The following ATM variants were observed in gnomAD, a reference collection of about 807,000 sequenced individuals.
ATM encodes ATM serine/threonine kinase.
Under a neutral mutation model 387.0 loss-of-function variants are expected in ATM, and 308 were observed. The observed-to-expected ratio is 0.80, with a 90% CI of 0.73 to 0.87. The LOEUF is 0.87. Ranked by LOEUF, ATM falls within the 40% of genes least tolerant of loss-of-function variation. The pLI, the probability that ATM is intolerant of heterozygous loss-of-function variation, is 0.00. For synonymous variants in ATM, 1,156 were observed against 1,187.3 expected, an observed-to-expected ratio of 0.97 and a Z score of 0.54; for missense variants, 3,312 against 3,560.9, an observed-to-expected ratio of 0.93 and a Z score of 1.78.
chr11:108,248,208 A>C (rs2079950292), intron 8 of ATM, among the ~76,000 whole-genome samples: 1 of 152,128 alleles, frequency 6.6e-6, no homozygotes, highest in Admixed American at 6.5e-5. Flanking sequence ...CTGATGGCCT[A>C]ATGTTTCTTA....
At chr11:108,248,364 T>G (rs2079958071) in intron 8 of ATM, among the ~76,000 whole-genome samples, 1 of 152,188 alleles carries the variant, frequency 6.6e-6, no homozygotes, top group Admixed American at 6.5e-5. Context: ...TACTTTTAGA[T>G]TTCTTAGTGC....
At chr11:108,303,084 A>C in intron 36 of ATM, 55 bp downstream of exon 36, 1 of 1,518,918 alleles carries the variant, frequency 6.6e-7, no homozygotes, top group African/African-American at 1.4e-5. Context: ...GTTTATCTAA[A>C]GAGTGCTGTG....
At chr11:108,247,901 T>C (rs1487384665) in intron 8 of ATM, among the ~76,000 whole-genome samples, 1 of 152,032 alleles carries the variant, frequency 6.6e-6, no homozygotes, top group African/African-American at 2.4e-5. Context: ...GCCCAGAACT[T>C]TTTTATCATC....
chr11:108,240,151 A>G (rs2079484404), intron 5 of ATM, among the ~76,000 whole-genome samples: 3 of 152,196 alleles, frequency 2.0e-5, no homozygotes, highest in African/African-American at 7.2e-5. Context: ...TACATATGCT[A>G]TGGATTTTGA....
intron 38 of ATM, chr11:108,309,216 A>C: frequency 3.8e-6 from 2 of 532,738 alleles, no homozygotes; most frequent in Non-Finnish European, 6.7e-6. Flanking sequence ...ACAACAAAAA[A>C]ATTGCTTGCT....
intron 16 of ATM, among the ~76,000 whole-genome samples, chr11:108,266,515 T>C (rs1287743730): frequency 3.6e-4 from 50 of 138,036 alleles, no homozygotes; most frequent in East Asian, 4.7e-4. Flanking sequence ...GGGATAGCAT[T>C]GGGAGATATA....
intron 58 of ATM, among the ~76,000 whole-genome samples, chr11:108,347,065 C>T (rs2088509517): frequency 6.6e-6 from 1 of 152,070 alleles, no homozygotes; most frequent in Non-Finnish European, 1.5e-5. Context: ...TTTAGCAAAT[C>T]ATCTAGGATT....
chr11:108,350,612 G>A (rs1052119916), intron 59 of ATM, among the ~76,000 whole-genome samples: 1 of 152,184 alleles, frequency 6.6e-6, no homozygotes, highest in Non-Finnish European at 1.5e-5. Flanking sequence ...GGAAGATTGT[G>A]AGCTAGGTCC....
rs1009750697 is a variant in ATM at position 108,252,051 on chromosome 11, A to G, written c.1802+20A>G. 2 of 1,604,554 alleles carry G rather than the reference A, an allele frequency of 1.2e-6. No homozygotes were observed. The highest frequency in any genetic ancestry group is 1.7e-5 in the Admixed American group (1 of 59,942). ...TCACAGGTAATTTAAGTTCATTAGCATGCTGCTGTTTTTTTTGTTTGTTTT... is the reference window on the plus strand; with the variant it reads ...TCACAGGTAATTTAAGTTCATTAGCGTGCTGCTGTTTTTTTTGTTTGTTTT... On this transcript the variant is annotated intron_variant, in intron 11 of 62. Transcript: ENST00000675843.
rs1400036072 is a variant in ATM at position 108,335,974 on chromosome 11, A to C, written c.8268+13A>C. 6.3e-7 allele frequency: 1 copy of C among 1,584,880 alleles called. No individual in the cohort carries two copies. Among genetic ancestry groups the C allele is most frequent in the Non-Finnish European group, 8.7e-7 (1 of 1,153,770 alleles). On this transcript the variant is annotated intron_variant, in intron 56 of 62. Coordinates refer to ENST00000675843, the MANE Select transcript of ATM (RefSeq NM_000051.4). ...CTGTACTTATAAGGTAACTATTTGT[A>C]CTTCTGTTAGTTCACCAAAAACATA...
intron 5 of ATM, among the ~76,000 whole-genome samples, chr11:108,237,078 C>T (rs976990221): frequency 4.6e-5 from 7 of 152,096 alleles, no homozygotes; most frequent in Admixed American, 6.5e-5. Context: ...AAATGAGATA[C>T]ATGTGAACCA....
At chr11:108,308,154 G>A in intron 38 of ATM, 170 bp downstream of exon 38, 1 of 686,520 alleles carries the variant, frequency 1.5e-6, no homozygotes, top group Non-Finnish European at 2.5e-6. Context: ...TAGCAGTTTG[G>A]TTAAATCAGT....
At chr11:108,272,300 A>G (rs986854798) in intron 20 of ATM, among the ~76,000 whole-genome samples, 1 of 152,250 alleles carries the variant, frequency 6.6e-6, no homozygotes, top group Non-Finnish European at 1.5e-5. Flanking sequence ...GCCCCCAAAA[A>G]AGGACATAAT....
chr11:108,274,610 CTTCAT>C (rs1241911798), intron 22 of ATM, among the ~76,000 whole-genome samples: 1 of 152,136 alleles, frequency 6.6e-6, no homozygotes, highest in Non-Finnish European at 1.5e-5. Context: ...TTATTTCTGC[CTTCAT>C]TTCATTATTT....
chr11:108,287,641 GGA>G lies in ATM; in HGVS notation c.4037_4038del (p.Glu1346ValfsTer7). 1 of 1,613,588 alleles carries G rather than the reference GGA, an allele frequency of 6.2e-7. No homozygotes were observed. The highest frequency in any genetic ancestry group is 8.5e-7 in the Non-Finnish European group (1 of 1,179,814). On this transcript the variant is annotated frameshift_variant, in exon 27 of 63. Transcript: ENST00000675843. LOFTEE classifies it high-confidence loss of function. ...FISNLPEIVV[E>X]LLMTLHEPAN... ...TTAGTAATTTACCAGAGATTGTGGT[GGA>G]GTTATTGATGACGTTACATGAGCCA... is the stretch of plus-strand genomic sequence containing the variant.
rs1320299978 is a variant in ATM, at chr11:108,335,088, G to A, written c.8130G>A (p.Lys2710=). The A allele has an allele frequency of 6.2e-7, 1 of 1,614,060 alleles. No individual in the cohort carries two copies. The highest frequency in any genetic ancestry group is 1.7e-5 in the Admixed American group (1 of 60,020). The change falls in exon 55 of 63, where the codon AAG becomes AAA. Residue 2710 remains lysine, a synonymous_variant. Coordinates refer to ENST00000675843, the MANE Select transcript of ATM (RefSeq NM_000051.4). ...KIIDCVGSDG[K]ERRQLVKGRD... ...TAGATTGTGTAGGTTCCGATGGCAA[G>A]GAGAGGAGACAGCTTGTTAAGGTGA...
chr11:108,357,727 T>C (rs546807431), intron 61 of ATM, among the ~76,000 whole-genome samples: 86 of 152,240 alleles, frequency 5.6e-4, no homozygotes, highest in African/African-American at 2.0e-3. Flanking sequence ...GACCTGCAGC[T>C]GAGGGTCTTG....
chr11:108,361,147 C>G (rs1209367709), intron 61 of ATM, among the ~76,000 whole-genome samples: 8 of 134,918 alleles, frequency 5.9e-5, no homozygotes, highest in Non-Finnish European at 1.1e-4. Context: ...TTCTTTTACA[C>G]CAACAACAGA....
intron 24 of ATM, 82 bp downstream of exon 24, chr11:108,281,250 G>A (rs2082217790): frequency 2.8e-6 from 4 of 1,422,678 alleles, no homozygotes; most frequent in African/African-American, 2.8e-5. Flanking sequence ...GATTTTCTGA[G>A]TGGCACTTAT....
Sources: gnomAD v4.1 joint callset for allele counts (sites outside exome capture counted in the v4.1 genomes callset) on GRCh38, gnomAD v4.1.1 for gene constraint, MANE v1.5 for transcripts, NCBI Gene and HGNC (gene_info 2026-07-23, HGNC 2026-07-21) for gene names.